The following LRBA variants were observed in gnomAD, a reference collection of about 807,000 sequenced individuals.
LRBA encodes lipopolysaccharide-responsive and beige-like anchor protein.
LRBA carries 176 observed loss-of-function variants against 330.0 expected under a neutral mutation model. The ratio of observed to expected loss-of-function variants is 0.53; its 90% CI spans 0.47 to 0.60. LRBA has a LOEUF of 0.60. LRBA is among the 20% of genes least tolerant of loss of function. The pLI is 0.00. For missense variants in LRBA, 3,259 were observed against 3,444.8 expected (o/e 0.95, Z 1.35); for synonymous variants, 1,230 against 1,193.0 (o/e 1.03, Z -0.64).
At chr4:150,278,649 C>G (rs990652656) in intron 55 of LRBA, among the ~76,000 whole-genome samples, 1 of 152,192 alleles carries the variant, frequency 6.6e-6, no homozygotes, top group African/African-American at 2.4e-5. Context: ...ACAGACAGTA[C>G]AGGCTCAGAA....
At chr4:150,579,528 G>A (rs941826234) in intron 40 of LRBA, 27 of 400,392 alleles carry the variant, frequency 6.7e-5, no homozygotes, top group Non-Finnish European at 1.2e-4. Context: ...ACCTAAGACA[G>A]GGTAAATTGG....
intron 40 of LRBA, among the ~76,000 whole-genome samples, chr4:150,521,428 C>T (rs989090053): frequency 6.6e-6 from 1 of 152,014 alleles, no homozygotes; most frequent in Admixed American, 6.6e-5. Context: ...TTTCTTTTCA[C>T]TTTTATTGTG....
rs75498195 is a variant in LRBA, at chr4:150,491,077, G to A, written c.6331-42C>T. On this transcript the variant is annotated intron_variant, in intron 40 of 56. Coordinates refer to ENST00000651943, the MANE Select transcript of LRBA (RefSeq NM_001364905.1). ...TAATCCCAGGTAAGTAACAATACTT[G>A]TTTTTTGTTGTTGTTTCTTTCCCCA... 7,400 of 915,122 alleles carry A rather than the reference G, an allele frequency of 8.1e-3. 375 individuals are homozygous for A. The African/African-American group carries it at 0.11, about 14-fold the overall frequency. 56.7% of individuals were successfully genotyped at this position (915,122 alleles called of 1,614,324 possible).
intron 37 of LRBA, among the ~76,000 whole-genome samples, chr4:150,629,450 C>T (rs954406688): frequency 9.9e-5 from 15 of 151,940 alleles, no homozygotes; most frequent in Admixed American, 8.5e-4. Context: ...ACCAGCCTGG[C>T]CAACATGGTG....
At chr4:150,895,409 A>T (rs1289712395) in intron 16 of LRBA, among the ~76,000 whole-genome samples, 3 of 152,068 alleles carry the variant, frequency 2.0e-5, no homozygotes, top group African/African-American at 4.8e-5. Context: ...CATTAGGTAT[A>T]TCTCCAAATG....
At chr4:150,587,808 C>T (rs1772306459) in intron 40 of LRBA, among the ~76,000 whole-genome samples, 1 of 152,022 alleles carries the variant, frequency 6.6e-6, no homozygotes, top group African/African-American at 2.4e-5. Context: ...CCTTCCCCTC[C>T]TCACAAAGAG....
chr4:150,739,652 T>A (rs1731678077), intron 35 of LRBA, among the ~76,000 whole-genome samples: 1 of 152,172 alleles, frequency 6.6e-6, no homozygotes, highest in Admixed American at 6.5e-5. Context: ...GATGGTAACT[T>A]GCATCTTGCT....
intron 2 of LRBA, among the ~76,000 whole-genome samples, chr4:150,952,348 T>A (rs1736927551): frequency 6.6e-6 from 1 of 152,120 alleles, no homozygotes; most frequent in Non-Finnish European, 1.5e-5. Context: ...GTGTAGGATG[T>A]ATATGGGTGT....
At chr4:150,493,771 A>G (rs1442237990) in intron 40 of LRBA, among the ~76,000 whole-genome samples, 2 of 152,204 alleles carry the variant, frequency 1.3e-5, no homozygotes, top group African/African-American at 4.8e-5. Context: ...AGAGAATCCA[A>G]TATATGTTCT....
chr4:150,331,459 T>G (rs1241733759), intron 48 of LRBA, among the ~76,000 whole-genome samples: 4 of 152,174 alleles, frequency 2.6e-5, no homozygotes, highest in African/African-American at 7.2e-5. Flanking sequence ...CATTTTTTGT[T>G]ATGGAATAGG....
chr4:150,469,099 G>A (rs575830076), intron 43 of LRBA, among the ~76,000 whole-genome samples: 20 of 151,662 alleles, frequency 1.3e-4, no homozygotes, highest in Admixed American at 7.9e-4. Flanking sequence ...CAGTAAAATC[G>A]TCTTGTCCCA....
intron 46 of LRBA, among the ~76,000 whole-genome samples, chr4:150,422,411 T>C (rs1169680637): frequency 6.6e-6 from 1 of 152,162 alleles, no homozygotes; most frequent in Non-Finnish European, 1.5e-5. Flanking sequence ...TTCACAATGG[T>C]GCAATTCAAT....
At chr4:150,895,145 T>A (rs1729923446) in intron 16 of LRBA, among the ~76,000 whole-genome samples, 1 of 151,950 alleles carries the variant, frequency 6.6e-6, no homozygotes, top group Non-Finnish European at 1.5e-5. Context: ...TTATATTCCA[T>A]CAATTCCTAA....
At chr4:150,489,062 T>C (rs1174319746) in intron 41 of LRBA, among the ~76,000 whole-genome samples, 3 of 70,286 alleles carry the variant, frequency 4.3e-5, no homozygotes, top group Admixed American at 1.9e-4. Context: ...TATAAGAATA[T>C]ATAATATATT....
At position 150,325,846 on chromosome 4, in the gene LRBA, A is replaced by G. The variant is rs747851908; in HGVS notation, c.7415T>C (p.Ile2472Thr). 4.3e-6 allele frequency: 7 copies of G among 1,613,600 alleles called. No homozygotes were observed. The highest frequency in any genetic ancestry group is 5.9e-6 in the Non-Finnish European group (7 of 1,179,706). The change falls in exon 49 of 57, where the codon ATA becomes ACA. Residue 2472 changes from isoleucine to threonine, a missense_variant. By Grantham distance (89) the Ile-to-Thr change is moderately conservative. Coordinates refer to ENST00000651943, the MANE Select transcript of LRBA (RefSeq NM_001364905.1). ...AGAACCTCTGGGAGGATGGGGCTCT[A>G]TGAGTAGTTGAGAAGGAGTCTGTCC... ...SFGQTPSQLL[I>T]EPHPPRGSAM...
At chr4:150,362,443 C>G (rs528547335) in intron 47 of LRBA, among the ~76,000 whole-genome samples, 1 of 152,270 alleles carries the variant, frequency 6.6e-6, no homozygotes, top group South Asian at 2.1e-4. Context: ...GAACTGCTAT[C>G]TAAAACCTAG....
chr4:150,524,598 T>A (rs1368014942), intron 40 of LRBA, among the ~76,000 whole-genome samples: 1 of 152,150 alleles, frequency 6.6e-6, no homozygotes, highest in Admixed American at 6.5e-5. Context: ...TAAACTTTAT[T>A]ATATTTACTA....
At chr4:150,490,357 A>T (rs1758759422) in intron 41 of LRBA, among the ~76,000 whole-genome samples, 1 of 151,822 alleles carries the variant, frequency 6.6e-6, no homozygotes, top group African/African-American at 2.4e-5. Context: ...TTTTCCTTCA[A>T]GTTCAACTTG....
chr4:150,864,894 G>A (rs941256783), intron 22 of LRBA, among the ~76,000 whole-genome samples: 4 of 151,958 alleles, frequency 2.6e-5, no homozygotes, highest in Non-Finnish European at 5.9e-5. Context: ...TGATCCAGCC[G>A]CCTCAGCCTG....
Sources: gnomAD v4.1 joint callset for allele counts (sites outside exome capture counted in the v4.1 genomes callset) on GRCh38, gnomAD v4.1.1 for gene constraint, MANE v1.5 for transcripts, NCBI Gene and HGNC (gene_info 2026-07-23, HGNC 2026-07-21) for gene names.